Variants in MUC4 observed in about 807,000 individuals in gnomAD.
MUC4 encodes mucin-4.
MUC4 carries 202 observed loss-of-function variants against 257.9 expected under a neutral mutation model. That is an observed-to-expected ratio of 0.78 (90% CI 0.70 to 0.88). The LOEUF is 0.88. Among genes scored for constraint, MUC4 ranks in the 40% least tolerant of loss-of-function variants. The probability of loss-of-function intolerance (pLI) is 0.00; values close to 1 mark genes in which losing one functional copy is unlikely to be tolerated. For synonymous variants in MUC4, 2,351 were observed against 2,757.1 expected (o/e 0.85, Z 4.62); for missense variants, 5,976 against 6,513.7 (o/e 0.92, Z 2.84).
rs1340270617 is a variant in MUC4 at position 195,782,118 on chromosome 3, A to T, written c.9462T>A (p.Pro3154=). ...SASTGDTTPL[P]VTDTSSASTG... is the part of the protein sequence containing the mutation. Reference sequence around the variant, plus strand: ...TGGATGCTGAGGAAGTGTCGGTGACAGGAAGAGGGGTGGTGTCACCTGTGG... The same window carrying T: ...TGGATGCTGAGGAAGTGTCGGTGACTGGAAGAGGGGTGGTGTCACCTGTGG... The change falls in exon 2 of 25, where the codon CCT becomes CCA. Residue 3154 remains proline, a synonymous_variant. Transcript: ENST00000463781. 2 of 1,368,738 alleles carry T rather than the reference A, an allele frequency of 1.5e-6. No individual in the cohort carries two copies. The highest frequency in any genetic ancestry group is 1.4e-5 in the South Asian group (1 of 69,882). The allele number at this position is 1,368,738 out of a possible 1,614,324, so 84.8% of individuals were successfully genotyped here. A position where few individuals can be genotyped will look rare whatever the true frequency, so the allele number is the denominator to read the frequency against.
chr3:195,810,350 C>A lies in MUC4; in HGVS notation c.82+1386G>T, dbSNP rs1736542693. 1 of 152,358 alleles carries A rather than the reference C, an allele frequency of 6.6e-6. No homozygotes were observed. The highest frequency in any genetic ancestry group is 2.1e-4 in the South Asian group (1 of 4,832). 9.4% of individuals were successfully genotyped at this position (152,358 alleles called of 1,614,324 possible). ...AGCCTGCTGAGAGGCAGGGCAGGAGCTGAGACTCTAACCCCAGCTTGAACT... is the reference window on the plus strand; with the variant it reads ...AGCCTGCTGAGAGGCAGGGCAGGAGATGAGACTCTAACCCCAGCTTGAACT... On this transcript the variant is annotated intron_variant, in intron 1 of 24. Transcript: ENST00000463781. The surrounding 1 kb of genome is among the most constrained non-coding windows in gnomAD (Gnocchi z 4.2).
At chr3:195,804,100 A>G (rs2688496) in intron 1 of MUC4, among the ~76,000 whole-genome samples, 126,861 of 152,192 alleles carry the variant, frequency 0.83, 53,499 homozygotes, top group African/African-American at 0.96. Flanking sequence ...TCTCAGAGGA[A>G]GAGTCTCCAT....
At chr3:195,770,577 A>AT (rs1578103586) in intron 5 of MUC4, 1 of 611,128 alleles carries the variant, frequency 1.6e-6, no homozygotes, top group Non-Finnish European at 2.9e-6. Context: ...AGTGTGCAGA[A>AT]TGCAGGGTCG....
rs770797056 is a variant in MUC4, at chr3:195,780,682, A to G, written c.10898T>C (p.Leu3633Pro). The change falls in exon 2 of 25, where the codon CTT becomes CCT. Residue 3633 changes from leucine (L) to proline (P), a missense_variant. This residue lies in a region of MUC4 where 59 missense variants were observed against 149.8 expected (regional missense o/e 0.39). Transcript: ENST00000463781. Reference protein sequence around the residue: ...SSASTGQATPLPVTSLSSVST... With the variant: ...SSASTGQATPPPVTSLSSVST... ...TACTGAGGAAAGGCTGGTGACAGGA[A>G]GAGGGGTGGCCTGACCTGTGGATGC... 6 of 1,522,348 alleles carry G rather than the reference A, an allele frequency of 3.9e-6. No individual in the cohort carries two copies. Among genetic ancestry groups the G allele is most frequent in the South Asian group, 1.2e-5 (1 of 83,146 alleles). The allele number at this position is 1,522,348 out of a possible 1,614,324, so 94.3% of individuals were successfully genotyped here.
intron 21 of MUC4, chr3:195,751,480 G>A (rs1283900727): frequency 3.3e-6 from 2 of 603,482 alleles, no homozygotes; most frequent in Non-Finnish European, 5.9e-6. Flanking sequence ...TTTGTTGAGA[G>A]TGAAGGGTTT....
At chr3:195,762,283 A>G (rs1719155573) in intron 13 of MUC4, 29 bp from the exon 14 acceptor site, 1 of 1,548,660 alleles carries the variant, frequency 6.5e-7, no homozygotes, top group South Asian at 1.2e-5. Context: ...GCGGAGAGGA[A>G]GCCAGGTCGG....
intron 7 of MUC4, among the ~76,000 whole-genome samples, chr3:195,767,811 CCAT>C (rs1363677518): frequency 1.2e-4 from 14 of 120,926 alleles, no homozygotes; most frequent in African/African-American, 6.3e-4. Context: ...ATCATCACCA[CCAT>C]CACCACCACC....
intron 1 of MUC4, among the ~76,000 whole-genome samples, chr3:195,793,936 A>T (rs11922145): frequency 0.14 from 20,963 of 151,412 alleles, 1,571 homozygotes; most frequent in Middle Eastern, 0.29. Flanking sequence ...ACCACTTTTT[A>T]AAAAAAAATT....
Position 195,757,158 on chromosome 3 carries a change from A to G in MUC4, c.15157T>C (p.Ser5053Pro). The G allele has an allele frequency of 6.3e-7, 1 of 1,594,268 alleles. No individual in the cohort carries two copies. Among genetic ancestry groups the G allele is most frequent in the East Asian group, 2.3e-5 (1 of 44,240 alleles). The change falls in exon 18 of 25, where the codon TCC becomes CCC. Residue 5053 changes from serine (S) to proline (P), a missense_variant. Ser to Pro is a moderately conservative substitution (Grantham distance 74, BLOSUM62 -1). Coordinates refer to ENST00000463781, the MANE Select transcript of MUC4 (RefSeq NM_018406.7). The surrounding 1 kb of genome is among the most constrained non-coding windows in gnomAD (Gnocchi z 4.8). ...LYNQTSRVGNSSLEVAGCKCD... is the reference protein window; with the variant it reads ...LYNQTSRVGNPSLEVAGCKCD... ...CTCCCAACACTCACCTCCAGGGAGG[A>G]GTTGCCCACCCTGCTGGTCTGATTG...
At position 195,792,822 on chromosome 3, in the gene MUC4, G is replaced by A. The variant is rs148387834; in HGVS notation, c.83-1325C>T. Among the ~76,000 whole-genome samples the A allele has an allele frequency of 2.3e-3, 350 of 152,324 alleles. 5 individuals carry two copies. The highest frequency in any genetic ancestry group is 7.6e-3 in the African/African-American group (314 of 41,566). On this transcript the variant is annotated intron_variant, in intron 1 of 24. Transcript: ENST00000463781. ...AGCCATGAAAAAGGAATGGGATCAC[G>A]TCCTTTGCAGGTACATGGATGAAGC...
chr3:195,757,307 G>A lies in MUC4; in HGVS notation c.15008C>T (p.Thr5003Ile). 1.2e-6 allele frequency: 2 copies of A among 1,607,416 alleles called. No homozygotes were observed. The highest frequency in any genetic ancestry group is 1.7e-6 in the Non-Finnish European group (2 of 1,174,464). Residue 5003 changes from threonine (T) to isoleucine (I), a missense_variant, in exon 18 of 25, where the codon ACA becomes ATA. By Grantham distance (89) the Thr-to-Ile change is moderately conservative. Transcript: ENST00000463781. The surrounding 1 kb of genome is among the most constrained non-coding windows in gnomAD (Gnocchi z 4.8). ...ELFENGTLLW[T>I]PKSLEPFTLE... The stretch of plus-strand genomic sequence containing the variant: ...AGTGAATGGCTCCAGCGACTTGGGT[G>A]TCCACAGCAACGTCCCATTCTCTGC...
intron 3 of MUC4, among the ~76,000 whole-genome samples, chr3:195,777,812 A>ATACCTTCCACACCCT (rs1725260749): frequency 7.6e-5 from 5 of 65,782 alleles, no homozygotes; most frequent in Non-Finnish European, 1.2e-4. Flanking sequence ...TTCCACACCC[A>ATACCTTCCACACCCT]TACCTTCCAC....
intron 4 of MUC4, among the ~76,000 whole-genome samples, chr3:195,772,792 C>G (rs1723314644): frequency 6.9e-6 from 1 of 143,938 alleles, no homozygotes; most frequent in Non-Finnish European, 1.5e-5. Flanking sequence ...GTGTAGACAC[C>G]CCCTCTCCAT....
Position 195,746,994 on chromosome 3 carries a change from C to A in MUC4, c.*182G>T, listed in dbSNP as rs112536072. The A allele has an allele frequency of 1.1e-5, 10 of 874,660 alleles. No individual in the cohort carries two copies. The African/African-American group carries it at 1.7e-4, about 15-fold the overall frequency. The allele number at this position is 874,660 out of a possible 1,614,324, so 54.2% of individuals were successfully genotyped here. A position where few individuals can be genotyped will look rare whatever the true frequency, so the allele number is the denominator to read the frequency against. On this transcript the variant is annotated 3_prime_UTR_variant, in exon 25 of 25. Transcript: ENST00000463781. The stretch of plus-strand genomic sequence containing the variant: ...CATGTTTGATCTTTATGGCCTCCCC[C>A]TGTGCACCTGCGCCTATGGATAAGG...
chr3:195,794,973 C>A (rs561458793), intron 1 of MUC4, among the ~76,000 whole-genome samples: 1 of 152,208 alleles, frequency 6.6e-6, no homozygotes, highest in Non-Finnish European at 1.5e-5. Context: ...GGTCCCTGGG[C>A]CCCTGGCTTA....
rs1056214967 is a variant in MUC4, at chr3:195,810,875, C to T, written c.82+861G>A. On this transcript the variant is annotated intron_variant, in intron 1 of 24. Coordinates refer to ENST00000463781, the MANE Select transcript of MUC4 (RefSeq NM_018406.7). This position sits in a 1 kb window ranked among gnomAD's most constrained non-coding sequence, Gnocchi z 4.2. ...CCCAGCTTTCCTGGCATCCCCTCTA[C>T]CCCCAGCTCTGTACACAAGGGTGTA... Among the ~76,000 whole-genome samples, 114 of 152,244 alleles carry T rather than the reference C, an allele frequency of 7.5e-4. No homozygotes were observed. Among genetic ancestry groups the T allele is most frequent in the African/African-American group, 2.6e-3 (110 of 41,542 alleles).
rs201869570 is a variant in MUC4 at position 195,793,483 on chromosome 3, C to T, written c.83-1986G>A. 1.7e-4 allele frequency among the ~76,000 whole-genome samples: 25 copies of T among 149,226 alleles called. No individual in the cohort carries two copies. The East Asian group carries it at 4.5e-3, about 27-fold the overall frequency. On this transcript the variant is annotated intron_variant, in intron 1 of 24. Coordinates refer to ENST00000463781, the MANE Select transcript of MUC4 (RefSeq NM_018406.7). ...TGCCACTTCACTGCAGCCTGGGCGA[C>T]AGAGCAAGATTCTGTCTCAAAAAAA...
intron 1 of MUC4, 100 bp downstream of exon 1, chr3:195,811,635 TC>T: frequency 1.0e-6 from 1 of 982,580 alleles, no homozygotes; most frequent in Non-Finnish European, 1.6e-6. Context: ...CCCTATTCTC[TC>T]TCTCTCTCTC....
In MUC4 at chr3:195,760,924, C is replaced by A. The variant is rs746975425; in HGVS notation, c.14808G>T (p.Arg4936Ser). 6.2e-7 allele frequency: 1 copy of A among 1,614,224 alleles called. No homozygotes were observed. The highest frequency in any genetic ancestry group is 1.1e-5 in the South Asian group (1 of 91,088). Residue 4936 changes from arginine (R) to serine (S), a missense_variant, in exon 16 of 25, where the codon AGG becomes AGT. Coordinates refer to ENST00000463781, the MANE Select transcript of MUC4 (RefSeq NM_018406.7). ...CCTGCTCGTAGTTTTTACTGACTTC[C>A]CTCGTGTGAAGTCCGATGCTTGCGT... ...LRNASIGLHT[R>S]EVSKNYEQAN...
Sources: allele counts gnomAD v4.1 joint callset (sites outside exome capture counted in the v4.1 genomes callset), GRCh38; gene constraint gnomAD v4.1.1; regional missense constraint gnomAD v4.1.1; non-coding constraint Gnocchi (gnomAD v3.1); transcripts MANE v1.5; gene names NCBI Gene and HGNC (gene_info 2026-07-23, HGNC 2026-07-21).